The following KAZN variants were observed in gnomAD, a reference collection of about 807,000 sequenced individuals.
KAZN encodes kazrin.
Under a neutral mutation model 87.4 loss-of-function variants are expected in KAZN, and 40 were observed. The observed-to-expected ratio is 0.46, with a 90% CI of 0.36 to 0.60. The LOEUF (loss-of-function observed/expected upper bound fraction) is 0.60, where lower values mean the gene tolerates loss of function less well. Among genes scored for constraint, KAZN ranks in the 20% least tolerant of loss-of-function variants. KAZN has a pLI of 0.00. For missense variants in KAZN, 898 were observed against 1,073.9 expected (o/e 0.84, Z 2.29); for synonymous variants, 466 against 458.3 (o/e 1.02, Z -0.22).
At chr1:14,903,412 C>T (rs768680983) in intron 1 of KAZN, among the ~76,000 whole-genome samples, 8 of 152,172 alleles carry the variant, frequency 5.3e-5, no homozygotes, top group Non-Finnish European at 1.0e-4. Flanking sequence ...ACACTGGGGC[C>T]CTGGCAGCAG....
At chr1:14,927,551 T>A (rs1192821913) in intron 1 of KAZN, among the ~76,000 whole-genome samples, 1 of 152,090 alleles carries the variant, frequency 6.6e-6, no homozygotes, top group African/African-American at 2.4e-5. Flanking sequence ...AAGTGAGGTG[T>A]GTGGGTGCTG....
At chr1:14,373,334 C>T (rs1387166853) in intron 2 of KAZN, among the ~76,000 whole-genome samples, 2 of 152,102 alleles carry the variant, frequency 1.3e-5, no homozygotes, top group African/African-American at 4.8e-5. Context: ...CATATAAATT[C>T]CAGTCTAAGT....
chr1:14,203,130 C>G (rs543268838), intron 2 of KAZN, among the ~76,000 whole-genome samples: 2 of 151,568 alleles, frequency 1.3e-5, no homozygotes, highest in African/African-American at 2.4e-5. Context: ...TAATAAGAAG[C>G]CTATCGTGAC....
Position 15,107,074 on chromosome 1 carries a change from C to A in KAZN, c.2048+2885C>A, listed in dbSNP as rs183998647. On this transcript the variant is annotated intron_variant, in intron 13 of 14. Transcript: ENST00000376030. ...GACTGGAACCAGAGCAGGACTGGAA[C>A]CCAGGTCTCTACTCCTAGTCAGAAG... is the stretch of plus-strand genomic sequence containing the variant. Among the ~76,000 whole-genome samples, 4 of 152,314 alleles carry A rather than the reference C, an allele frequency of 2.6e-5. No homozygotes were observed. In the East Asian group the frequency reaches 7.7e-4, roughly 29 times the overall value.
At chr1:15,038,544 G>A (rs575900694) in intron 3 of KAZN, among the ~76,000 whole-genome samples, 5 of 152,306 alleles carry the variant, frequency 3.3e-5, no homozygotes, top group African/African-American at 1.2e-4. Flanking sequence ...GACGTTTATT[G>A]TGCACCTACT....
chr1:14,173,236 G>T (rs7545280), intron 1 of KAZN, among the ~76,000 whole-genome samples: 3 of 152,008 alleles, frequency 2.0e-5, no homozygotes, highest in African/African-American at 7.3e-5. Flanking sequence ...AAGAGTACAA[G>T]CATCTTTATA....
At chr1:14,041,862 ATCTT>A (rs1278427713) in intron 1 of KAZN, among the ~76,000 whole-genome samples, 1 of 152,176 alleles carries the variant, frequency 6.6e-6, no homozygotes. Context: ...TGGGTATAGA[ATCTT>A]TCTCTTACAA....
At chr1:14,664,934 C>T (rs1455501826) in intron 1 of KAZN, among the ~76,000 whole-genome samples, 2 of 152,190 alleles carry the variant, frequency 1.3e-5, no homozygotes, top group Admixed American at 6.5e-5. Flanking sequence ...GGATTACAGG[C>T]ATGAGCCACC....
rs144203488 is a variant in KAZN at position 14,639,618 on chromosome 1, C to G, written c.226+40395C>G. ...CTTCCTCCCCTTCTCAGTCCTCTGA[C>G]CTTTGTTCTCACAAGCTGTTTGTAA... On this transcript the variant is annotated intron_variant, in intron 1 of 14. Coordinates refer to ENST00000376030, the MANE Select transcript of KAZN (RefSeq NM_201628.3). Among the ~76,000 whole-genome samples the G allele has an allele frequency of 3.3e-5, 5 of 152,272 alleles. No individual in the cohort carries two copies. In the East Asian group the frequency reaches 9.7e-4, roughly 29 times the overall value.
At chr1:14,607,268 T>C (rs755038466) in intron 1 of KAZN, among the ~76,000 whole-genome samples, 1 of 152,238 alleles carries the variant, frequency 6.6e-6, no homozygotes, top group African/African-American at 2.4e-5. Flanking sequence ...TTAAACCACC[T>C]TATGAGGTAA....
At chr1:14,533,921 T>C (rs1252505015) in intron 2 of KAZN, among the ~76,000 whole-genome samples, 1 of 152,190 alleles carries the variant, frequency 6.6e-6, no homozygotes, top group Non-Finnish European at 1.5e-5. Flanking sequence ...TATCCAAACT[T>C]GCAAAGAAAC....
At chr1:14,797,833 A>G (rs1202126229) in intron 1 of KAZN, among the ~76,000 whole-genome samples, 1 of 152,164 alleles carries the variant, frequency 6.6e-6, no homozygotes, top group Non-Finnish European at 1.5e-5. Context: ...GTGAGGATTC[A>G]ATGAAATAGT....
chr1:15,032,105 T>C (rs1573116720), intron 2 of KAZN, among the ~76,000 whole-genome samples: 1 of 147,748 alleles, frequency 6.8e-6, no homozygotes, highest in Admixed American at 6.7e-5. Flanking sequence ...CCCTCCCCGA[T>C]CCACCCCCAC....
At chr1:14,677,998 C>T (rs1640336263) in intron 1 of KAZN, among the ~76,000 whole-genome samples, 1 of 152,136 alleles carries the variant, frequency 6.6e-6, no homozygotes, top group African/African-American at 2.4e-5. Flanking sequence ...GAAGTCTGAC[C>T]CCAGAATTGG....
rs185862491 is a variant in KAZN, at chr1:14,860,486, C to T, written c.227-100198C>T. Among the ~76,000 whole-genome samples, 777 of 152,292 alleles carry T rather than the reference C, an allele frequency of 5.1e-3. 3 individuals are homozygous for T. The highest frequency in any genetic ancestry group is 6.5e-3 in the Non-Finnish European group (443 of 68,030). ...GGATTATTACAGGCATGAGCCACCACGCCCGGACAGGATATGCCTTTTAAA... is the reference window on the plus strand; with the variant it reads ...GGATTATTACAGGCATGAGCCACCATGCCCGGACAGGATATGCCTTTTAAA... On this transcript the variant is annotated intron_variant, in intron 1 of 14. Coordinates refer to ENST00000376030, the MANE Select transcript of KAZN (RefSeq NM_201628.3).
chr1:14,140,737 G>A (rs1645217513), intron 1 of KAZN, among the ~76,000 whole-genome samples: 1 of 151,908 alleles, frequency 6.6e-6, no homozygotes, highest in South Asian at 2.1e-4. Flanking sequence ...CCGTCCAGAA[G>A]TTTCAGGCTT....
chr1:14,476,663 G>C (rs1668742011), intron 2 of KAZN, among the ~76,000 whole-genome samples: 1 of 152,152 alleles, frequency 6.6e-6, no homozygotes, highest in Non-Finnish European at 1.5e-5. Flanking sequence ...TATTCAGTTT[G>C]CTTAAAAGCT....
chr1:14,603,316 G>C (rs1677119820), intron 1 of KAZN, among the ~76,000 whole-genome samples: 2 of 152,188 alleles, frequency 1.3e-5, no homozygotes, highest in Admixed American at 1.3e-4. Context: ...TTGCCACTAA[G>C]TTACAGAGCT....
chr1:14,422,612 A>G (rs183332358), intron 2 of KAZN, among the ~76,000 whole-genome samples: 38 of 152,374 alleles, frequency 2.5e-4, no homozygotes, highest in Admixed American at 4.6e-4. Context: ...CTGCCCCCTG[A>G]AGGGTTGAAA....
Sources: gnomAD v4.1 joint callset for allele counts (sites outside exome capture counted in the v4.1 genomes callset) on GRCh38, gnomAD v4.1.1 for gene constraint, MANE v1.5 for transcripts, NCBI Gene and HGNC (gene_info 2026-07-23, HGNC 2026-07-21) for gene names.